The following KLHL7 variants were observed in gnomAD, a reference collection of about 807,000 sequenced individuals.
KLHL7 encodes kelch-like protein 7.
In KLHL7, 44 loss-of-function variants were observed where a neutral mutation model predicts 67.4. That is an observed-to-expected ratio of 0.65 (90% CI 0.51 to 0.84). The LOEUF (loss-of-function observed/expected upper bound fraction) is 0.84. KLHL7 is among the 40% of genes least tolerant of loss of function. KLHL7 has a pLI of 0.00. For synonymous variants in KLHL7, 252 were observed against 243.3 expected (o/e 1.04, Z -0.33); for missense variants, 362 against 718.1 (o/e 0.50, Z 5.67).
chr7:23,155,318 A>G (rs867805733), intron 7 of KLHL7, among the ~76,000 whole-genome samples: 2 of 152,154 alleles, frequency 1.3e-5, no homozygotes, highest in South Asian at 4.1e-4. Flanking sequence ...GAAGAACAGG[A>G]AAATTATAAA....
Position 23,167,601 on chromosome 7 carries a change from C to G in KLHL7, c.1178-235C>G, listed in dbSNP as rs573671068. On this transcript the variant is annotated intron_variant, in intron 8 of 10. Transcript: ENST00000339077. ...AATTTATTTTTCTAAAGTTTAATTA[C>G]CAATAAATAAGTATTTCCAACAGAT... Among the ~76,000 whole-genome samples the G allele has an allele frequency of 1.2e-4, 19 of 152,124 alleles. 1 individual carries two copies. In the South Asian group the frequency reaches 3.7e-3, roughly 30 times the overall value.
At chr7:23,138,037 G>A (rs1005619927) in intron 4 of KLHL7, among the ~76,000 whole-genome samples, 13 of 151,076 alleles carry the variant, frequency 8.6e-5, no homozygotes, top group Admixed American at 1.3e-4. Flanking sequence ...TTAGCCTGGC[G>A]TGCTGGTTGG....
At chr7:23,110,215 A>G (rs537456393) in intron 1 of KLHL7, among the ~76,000 whole-genome samples, 18 of 152,326 alleles carry the variant, frequency 1.2e-4, no homozygotes, top group African/African-American at 4.3e-4. Flanking sequence ...CCATAGATAA[A>G]TAGAAGTCAT....
chr7:23,164,895 A>G (rs1784955034), intron 7 of KLHL7, among the ~76,000 whole-genome samples: 1 of 152,232 alleles, frequency 6.6e-6, no homozygotes, highest in Non-Finnish European at 1.5e-5. Context: ...TTTTCAGAAA[A>G]TAGCAGGAAC....
At chr7:23,147,816 G>C (rs1784406919) in intron 6 of KLHL7, among the ~76,000 whole-genome samples, 1 of 152,208 alleles carries the variant, frequency 6.6e-6, no homozygotes, top group Non-Finnish European at 1.5e-5. Context: ...CTGCATGAGG[G>C]TAAGACTGTC....
In KLHL7 at chr7:23,151,166, TTTTTC is replaced by T. The variant is rs1784523456; in HGVS notation, c.794-891_794-887del. Among the ~76,000 whole-genome samples the T allele has an allele frequency of 2.0e-5, 3 of 149,674 alleles. No homozygotes were observed. In the South Asian group the frequency reaches 6.3e-4, roughly 31 times the overall value. Reference sequence around the variant, plus strand: ...ATTCTGGGCCTGTTTTGTTTTTTTTTTTTTCTTTTCTTTTTTTTAAGCTTTTAGTG... The same window carrying T: ...ATTCTGGGCCTGTTTTGTTTTTTTTTTTTTCTTTTTTTTAAGCTTTTAGTG... On this transcript the variant is annotated intron_variant, in intron 6 of 10. Transcript: ENST00000339077.
intron 4 of KLHL7, chr7:23,129,752 A>G: frequency 6.3e-6 from 1 of 158,780 alleles, no homozygotes. Context: ...AACACTCTCC[A>G]GAGCAGAAAC....
chr7:23,131,942 A>G (rs1358748495), intron 4 of KLHL7, among the ~76,000 whole-genome samples: 2 of 151,964 alleles, frequency 1.3e-5, no homozygotes, highest in African/African-American at 2.4e-5. Context: ...ACTTAACATA[A>G]TTATCTCCAG....
intron 1 of KLHL7, among the ~76,000 whole-genome samples, chr7:23,112,750 A>C (rs768880799): frequency 3.9e-5 from 6 of 152,226 alleles, no homozygotes; most frequent in Non-Finnish European, 7.3e-5. Flanking sequence ...TTTGATGGGC[A>C]GACAAATGGG....
chr7:23,124,985 C>T (rs1263724339), intron 3 of KLHL7, 63 bp from the exon 4 acceptor site: 1 of 1,460,408 alleles, frequency 6.8e-7, no homozygotes, highest in Non-Finnish European at 9.5e-7. Flanking sequence ...GGATACATTC[C>T]ACAGTAACAT....
chr7:23,110,630 T>G (rs1215702500), intron 1 of KLHL7, among the ~76,000 whole-genome samples: 2 of 151,986 alleles, frequency 1.3e-5, no homozygotes, highest in African/African-American at 4.8e-5. Context: ...TTATTATTAT[T>G]ATACTTTAAG....
At chr7:23,138,782 C>T (rs1352709472) in intron 4 of KLHL7, among the ~76,000 whole-genome samples, 3 of 151,996 alleles carry the variant, frequency 2.0e-5, no homozygotes. Flanking sequence ...AAGTGATCCC[C>T]ACCTAGGCCT....
chr7:23,174,377 GT>G lies in KLHL7; in HGVS notation c.*83del, dbSNP rs1371199122. On this transcript the variant is annotated 3_prime_UTR_variant, in exon 11 of 11. Transcript: ENST00000339077. Reference sequence around the variant, plus strand: ...TTTGTTCCAGGAGTTTGGTGACAAAGTTTTGGTTTGGTGTTTTGGTAAAGAA... The same window carrying G: ...TTTGTTCCAGGAGTTTGGTGACAAAGTTTGGTTTGGTGTTTTGGTAAAGAA... The G allele has an allele frequency of 5.3e-6, 8 of 1,521,368 alleles. No homozygotes were observed. In the Admixed American group the frequency reaches 1.2e-4, roughly 22 times the overall value. 94.2% of individuals were successfully genotyped at this position (1,521,368 alleles called of 1,614,324 possible). A position where few individuals can be genotyped will look rare whatever the true frequency, so the allele number is the denominator to read the frequency against.
intron 7 of KLHL7, among the ~76,000 whole-genome samples, chr7:23,162,312 T>C (rs1448356934): frequency 6.6e-6 from 1 of 152,246 alleles, no homozygotes; most frequent in Non-Finnish European, 1.5e-5. Flanking sequence ...TATTACCTTA[T>C]AGAGTTATTA....
intron 7 of KLHL7, among the ~76,000 whole-genome samples, chr7:23,163,591 A>G (rs1300768716): frequency 6.6e-6 from 1 of 152,234 alleles, no homozygotes; most frequent in Non-Finnish European, 1.5e-5. Context: ...GTAAGGATTC[A>G]GAAGAAAGAA....
intron 6 of KLHL7, among the ~76,000 whole-genome samples, chr7:23,145,981 C>G (rs181711247): frequency 6.6e-6 from 1 of 152,160 alleles, no homozygotes; most frequent in Non-Finnish European, 1.5e-5. Context: ...ACCCTCCTGC[C>G]GAGGCTTCCC....
At chr7:23,169,275 T>C (rs953574098) in intron 9 of KLHL7, among the ~76,000 whole-genome samples, 2 of 151,788 alleles carry the variant, frequency 1.3e-5, no homozygotes, top group Admixed American at 6.6e-5. Flanking sequence ...AAATAAAAAA[T>C]AAAAAAATAA....
At chr7:23,155,953 A>G in intron 7 of KLHL7, 1 of 455,024 alleles carries the variant, frequency 2.2e-6, no homozygotes, top group South Asian at 1.6e-5. Flanking sequence ...TTTAGTCTGT[A>G]GTTCTAATTC....
chr7:23,124,398 C>T (rs940348019), intron 2 of KLHL7, among the ~76,000 whole-genome samples: 1 of 150,606 alleles, frequency 6.6e-6, no homozygotes, highest in African/African-American at 2.5e-5. Context: ...CTACTTAGTA[C>T]TATTTTATGA....
Sources: allele counts gnomAD v4.1 joint callset (sites outside exome capture counted in the v4.1 genomes callset), GRCh38; gene constraint gnomAD v4.1.1; transcripts MANE v1.5; gene names NCBI Gene and HGNC (gene_info 2026-07-23, HGNC 2026-07-21).